The following NAA60 variants were observed in gnomAD, a reference collection of about 807,000 sequenced individuals.
NAA60 encodes the protein N-alpha-acetyltransferase 60.
A neutral mutation model predicts 26.1 loss-of-function variants in NAA60; 8 were observed. That is an observed-to-expected ratio of 0.31 (90% CI 0.18 to 0.55). NAA60 has a LOEUF of 0.55. Ranked by LOEUF, NAA60 falls within the 20% of genes least tolerant of loss-of-function variation. NAA60 has a pLI of 0.93. For synonymous variants in NAA60, 131 were observed against 122.5 expected (o/e 1.07, Z -0.46); for missense variants, 290 against 311.3 (o/e 0.93, Z 0.51).
chr16:3,470,665 T>G (rs777775789), intron 2 of NAA60, among the ~76,000 whole-genome samples: 451 of 139,470 alleles, frequency 3.2e-3, no homozygotes, highest in Non-Finnish European at 5.7e-3. Context: ...CAGGGGCCAG[T>G]GGGGTTGGGG....
intron 1 of NAA60, among the ~76,000 whole-genome samples, chr16:3,445,507 G>A (rs534874145): frequency 2.0e-5 from 3 of 151,004 alleles, no homozygotes; most frequent in Non-Finnish European, 2.9e-5. Context: ...TCTCGATCTC[G>A]TGACCTCATG....
chr16:3,462,100 A>AAAAAAAAAC (rs1457749205), intron 2 of NAA60, among the ~76,000 whole-genome samples: 3 of 151,666 alleles, frequency 2.0e-5, no homozygotes, highest in Admixed American at 6.6e-5. Context: ...AAAAAAAAAA[A>AAAAAAAAAC]AAAAACCTTT....
Position 3,449,874 on chromosome 16 carries a change from G to A in NAA60, c.-7+1334G>A, listed in dbSNP as rs2034705281. The A allele has an allele frequency of 1.8e-5, 7 of 382,264 alleles. No homozygotes were observed. In the Admixed American group the frequency reaches 2.3e-4, roughly 12 times the overall value. 23.7% of individuals were successfully genotyped at this position (382,264 alleles called of 1,614,324 possible). A position where few individuals can be genotyped will look rare whatever the true frequency, so the allele number is the denominator to read the frequency against. On this transcript the variant is annotated intron_variant, in intron 2 of 7. Transcript: ENST00000407558. ...TCCCTGCACAAGCCCTCTTTTGTCT[G>A]CCACCATGTGAGACATGCCTTTTAC...
intron 1 of NAA60, chr16:3,447,450 C>G (rs17136419): frequency 0.013 from 12,774 of 985,044 alleles, 581 homozygotes; most frequent in African/African-American, 0.13. Flanking sequence ...GAATGAATTG[C>G]TCACTACGTT....
chr16:3,455,416 A>G (rs1338044923), intron 2 of NAA60, among the ~76,000 whole-genome samples: 30 of 97,470 alleles, frequency 3.1e-4, no homozygotes, highest in Non-Finnish European at 4.0e-4. Context: ...TTTGAGACGG[A>G]GTCTCGCTCT....
chr16:3,459,191 T>C (rs1295502541), intron 2 of NAA60, among the ~76,000 whole-genome samples: 3 of 152,190 alleles, frequency 2.0e-5, no homozygotes, highest in Non-Finnish European at 2.9e-5. Context: ...GTTTGCCTTT[T>C]ACCAGGGCAC....
intron 5 of NAA60, 77 bp downstream of exon 5, chr16:3,482,675 A>T: frequency 1.3e-6 from 1 of 741,326 alleles, no homozygotes; most frequent in Non-Finnish European, 1.9e-6. Context: ...ATCTGCACCC[A>T]GTCTCTTCCC....
At position 3,484,811 on chromosome 16, in the gene NAA60, G is replaced by C; in HGVS notation, c.685G>C (p.Gly229Arg). The change falls in exon 7 of 8, where the codon GGC becomes CGC. Residue 229 changes from glycine (G) to arginine (R), a missense_variant. Gly to Arg is a moderately radical substitution (Grantham distance 125). Coordinates refer to ENST00000407558, the MANE Select transcript of NAA60 (RefSeq NM_001083601.3). Reference protein sequence around the residue: ...SLLCSFLPWSGISSKSGIEYS... With the variant: ...SLLCSFLPWSRISSKSGIEYS... Reference sequence around the variant, plus strand: ...GCTCTGCAGCTTCCTGCCATGGTCGGGCATCTCTTCCAAGAGTGGCATCGA... The same window carrying C: ...GCTCTGCAGCTTCCTGCCATGGTCGCGCATCTCTTCCAAGAGTGGCATCGA... The C allele has an allele frequency of 6.4e-7, 1 of 1,574,768 alleles. No homozygotes were observed. Among genetic ancestry groups the C allele is most frequent in the Non-Finnish European group, 8.6e-7 (1 of 1,161,116 alleles).
intron 2 of NAA60, among the ~76,000 whole-genome samples, chr16:3,471,457 C>T (rs1434686263): frequency 3.3e-5 from 5 of 152,062 alleles, no homozygotes; most frequent in Non-Finnish European, 7.4e-5. Flanking sequence ...GAACCGAGAT[C>T]GCGCCAGTGC....
At chr16:3,446,002 G>A (rs557013607) in intron 1 of NAA60, among the ~76,000 whole-genome samples, 52 of 152,244 alleles carry the variant, frequency 3.4e-4, no homozygotes, top group Non-Finnish European at 5.6e-4. Context: ...ATGCTTGACT[G>A]TATACCCACT....
chr16:3,483,239 G>A, intron 5 of NAA60, 124 bp from the exon 6 acceptor site: 1 of 730,920 alleles, frequency 1.4e-6, no homozygotes, highest in South Asian at 1.6e-5. Context: ...GGTGAAGAAA[G>A]GCTGGTCTCT....
chr16:3,454,005 C>A (rs2150951465), intron 2 of NAA60, among the ~76,000 whole-genome samples: 1 of 152,224 alleles, frequency 6.6e-6, no homozygotes, highest in East Asian at 1.9e-4. Flanking sequence ...GACTTAGTTC[C>A]TCTATGGGTA....
At chr16:3,470,893 C>T (rs1690449) in intron 2 of NAA60, among the ~76,000 whole-genome samples, 6 of 152,090 alleles carry the variant, frequency 3.9e-5, no homozygotes, top group Non-Finnish European at 7.4e-5. Flanking sequence ...TTCTCTGCCC[C>T]TCAGTTGGGC....
chr16:3,462,199 G>A (rs755716786), intron 2 of NAA60, among the ~76,000 whole-genome samples: 8 of 151,346 alleles, frequency 5.3e-5, no homozygotes, highest in Non-Finnish European at 8.8e-5. Context: ...AAATAGGGTC[G>A]ATTTGGCCAG....
At chr16:3,471,469 C>T (rs2036139681) in intron 2 of NAA60, among the ~76,000 whole-genome samples, 2 of 152,130 alleles carry the variant, frequency 1.3e-5, no homozygotes, top group South Asian at 4.1e-4. Flanking sequence ...CGCCAGTGCA[C>T]TCCAGCCTTG....
chr16:3,458,105 C>A (rs1010087383), intron 2 of NAA60: 25 of 985,210 alleles, frequency 2.5e-5, no homozygotes, highest in Middle Eastern at 5.2e-4. Flanking sequence ...CCGCGCGGTC[C>A]CACTTCCCGG....
chr16:3,457,849 G>C, intron 2 of NAA60: 1 of 458,876 alleles, frequency 2.2e-6, no homozygotes, highest in Non-Finnish European at 2.9e-6. Flanking sequence ...CAGGGAAGGA[G>C]CCGGCCCTCA....
At chr16:3,460,036 G>T (rs1047317186) in intron 2 of NAA60, among the ~76,000 whole-genome samples, 2 of 152,226 alleles carry the variant, frequency 1.3e-5, no homozygotes, top group Non-Finnish European at 2.9e-5. Flanking sequence ...TGGAGACGGG[G>T]TGTACCTGTT....
chr16:3,464,730 G>C (rs550822379), intron 2 of NAA60, among the ~76,000 whole-genome samples: 3 of 152,304 alleles, frequency 2.0e-5, no homozygotes, highest in Admixed American at 2.0e-4. Context: ...TTTTGTTGTT[G>C]TTTTGTTTTT....
Sources: allele counts gnomAD v4.1 joint callset (sites outside exome capture counted in the v4.1 genomes callset), GRCh38; gene constraint gnomAD v4.1.1; transcripts MANE v1.5; gene names NCBI Gene and HGNC (gene_info 2026-07-23, HGNC 2026-07-21).